LAMA1: variants seen among roughly 807,000 people sequenced by gnomAD.
The protein encoded by LAMA1 is laminin subunit alpha-1.
LAMA1 carries 219 observed loss-of-function variants against 348.7 expected under a neutral mutation model. The ratio of observed to expected loss-of-function variants is 0.63; its 90% CI spans 0.56 to 0.70. The LOEUF is 0.70. LAMA1 is among the 30% of genes least tolerant of loss of function. The pLI, the probability that LAMA1 is intolerant of heterozygous loss-of-function variation, is 0.00. For missense variants in LAMA1, 3,744 were observed against 3,888.0 expected, an observed-to-expected ratio of 0.96 and a Z score of 0.99; for synonymous variants, 1,487 against 1,491.0, an observed-to-expected ratio of 1.00 and a Z score of 0.06.
chr18:6,973,983 G>A (rs1003316163), intron 46 of LAMA1, among the ~76,000 whole-genome samples: 2 of 152,038 alleles, frequency 1.3e-5, no homozygotes, highest in African/African-American at 4.8e-5. Flanking sequence ...GTCTCACTAT[G>A]TTGCCCAGGC....
chr18:7,018,314 C>T (rs1483157923), intron 19 of LAMA1, among the ~76,000 whole-genome samples: 7 of 105,050 alleles, frequency 6.7e-5, no homozygotes, highest in African/African-American at 2.4e-4. Context: ...CTAGCCTGAG[C>T]GACAAGTGTG....
In LAMA1 at chr18:6,982,455, C is replaced by T. The variant is rs758157168; in HGVS notation, c.5890+42G>A. 58 of 1,526,454 alleles carry T rather than the reference C, an allele frequency of 3.8e-5. No individual in the cohort carries two copies. In the Admixed American group the frequency reaches 6.7e-4, roughly 18 times the overall value. The allele number at this position is 1,526,454 out of a possible 1,614,324, so 94.6% of individuals were successfully genotyped here. ...TAGAGGCTGCTCAGCGAGACGCTCA[C>T]GCTCACTCTGCCTGTCTACACCGTC... On this transcript the variant is annotated intron_variant, in intron 41 of 62. Transcript: ENST00000389658.
rs1187783256 is a variant in LAMA1, at chr18:7,008,528, T to C, written c.4082A>G (p.Asn1361Ser). ...PEEEVASLLE[N>S]CVCPPGTVGF... The stretch of plus-strand genomic sequence containing the variant: ...CACAGTGCCAGGAGGACAGACACAA[T>C]TCTCTAAAAGAGATGCAACCTCTTC... Residue 1361 changes from asparagine (N) to serine (S), a missense_variant, in exon 28 of 63, where the codon AAT becomes AGT. Asn to Ser is a conservative substitution (Grantham distance 46, BLOSUM62 1). This residue lies in a region of LAMA1 where 1,983 missense variants were observed against 1,934.3 expected (regional missense o/e 1.03). Coordinates refer to ENST00000389658, the MANE Select transcript of LAMA1 (RefSeq NM_005559.4). The C allele has an allele frequency of 3.0e-5, 49 of 1,613,966 alleles. No homozygotes were observed. Among genetic ancestry groups the C allele is most frequent in the Non-Finnish European group, 4.2e-5 (49 of 1,179,982 alleles).
chr18:7,093,774 CTT>C (rs34130725), intron 1 of LAMA1, among the ~76,000 whole-genome samples: 33,787 of 124,436 alleles, frequency 0.27, 4,223 homozygotes, highest in African/African-American at 0.33. Context: ...GGTTTCTCAA[CTT>C]TTTTTTTTTT....
At chr18:6,995,270 A>G in intron 34 of LAMA1, 87 bp downstream of exon 34, 2 of 868,110 alleles carry the variant, frequency 2.3e-6, no homozygotes, top group Non-Finnish European at 4.0e-6. Context: ...TCTAATCAGA[A>G]CCTTCCAGAC....
chr18:7,022,799 G>A (rs1002871771), intron 19 of LAMA1, among the ~76,000 whole-genome samples: 1 of 152,152 alleles, frequency 6.6e-6, no homozygotes. Flanking sequence ...AATCCCATCT[G>A]CCTCGTGCAG....
rs201633658 is a variant in LAMA1 at position 6,971,912 on chromosome 18, T to C, written c.6844A>G (p.Ile2282Val). ...CTTTCAATATAGTTCCATAGGCCTA[T>C]GGATTTTCCATTCAGGAAGGCCTCC... ...LGEAFLNGKS[I>V]GLWNYIEREG... Residue 2282 changes from isoleucine (I) to valine (V), a missense_variant, in exon 48 of 63, where the codon ATA becomes GTA. Physicochemically the swap from Ile to Val is conservative, Grantham distance 29. This residue lies in a region of LAMA1 where 1,983 missense variants were observed against 1,934.3 expected (regional missense o/e 1.03). Transcript: ENST00000389658. 8.7e-6 allele frequency: 14 copies of C among 1,614,108 alleles called. No individual in the cohort carries two copies. In the African/African-American group the frequency reaches 9.3e-5, roughly 11 times the overall value.
In LAMA1 at chr18:6,962,021, T is replaced by C; in HGVS notation, c.7376A>G (p.Lys2459Arg). Residue 2459 changes from lysine (K) to arginine (R), a missense_variant, in exon 52 of 63, where the codon AAG (lysine) becomes AGG (arginine). Transcript: ENST00000389658. Reference protein sequence around the residue: ...VTTKSFVGCIKNLEISRSTFD... With the variant: ...VTTKSFVGCIRNLEISRSTFD... ...GGTTGATCTGGATATTTCCAGGTTC[T>C]TGATGCAGCCCACAAAGCTTTTGGT... The C allele has an allele frequency of 6.2e-7, 1 of 1,614,258 alleles. No homozygotes were observed. The highest frequency in any genetic ancestry group is 8.5e-7 in the Non-Finnish European group (1 of 1,180,036).
At chr18:6,962,700 T>A (rs1449568062) in intron 51 of LAMA1, among the ~76,000 whole-genome samples, 1 of 152,048 alleles carries the variant, frequency 6.6e-6, no homozygotes, top group African/African-American at 2.4e-5. Context: ...CCATGTAGAG[T>A]AGAATGTTTG....
rs1211168897 is a variant in LAMA1, at chr18:7,040,213, A to G, written c.1285T>C (p.Cys429Arg). Residue 429 changes from cysteine to arginine, a missense_variant, in exon 10 of 63, where the codon TGT becomes CGT. Around this residue, in one of 3 missense-constraint regions of LAMA1, gnomAD observed 1,529 missense variants for 1,689.4 expected, o/e 0.91. Coordinates refer to ENST00000389658, the MANE Select transcript of LAMA1 (RefSeq NM_005559.4). ...TTTTCTCCTGTATAACCTTCCTTAC[A>G]TGGGCACTGACCTGGCTGCTTCCCT... ...HNGKQPGQCP[C>R]KEGYTGEKCD... The G allele has an allele frequency of 3.7e-6, 6 of 1,614,148 alleles. No homozygotes were observed. Among genetic ancestry groups the G allele is most frequent in the Non-Finnish European group, 5.1e-6 (6 of 1,180,026 alleles).
chr18:7,115,903 C>T (rs1224438024), intron 1 of LAMA1, among the ~76,000 whole-genome samples: 3 of 151,440 alleles, frequency 2.0e-5, no homozygotes, highest in African/African-American at 7.3e-5. Flanking sequence ...TGTTTGAACC[C>T]GGGAGGCGGA....
At chr18:7,078,744 C>T (rs1431921601) in intron 3 of LAMA1, among the ~76,000 whole-genome samples, 2 of 151,964 alleles carry the variant, frequency 1.3e-5, no homozygotes, top group African/African-American at 4.8e-5. Flanking sequence ...AATCCCAGCA[C>T]TTTGGGAGGC....
At chr18:7,041,071 G>T (rs2058018529) in intron 9 of LAMA1, among the ~76,000 whole-genome samples, 1 of 152,160 alleles carries the variant, frequency 6.6e-6, no homozygotes, top group African/African-American at 2.4e-5. Flanking sequence ...AGATTGTGGT[G>T]ATGGTTGCAC....
chr18:7,100,079 A>AAAAAAC, intron 1 of LAMA1, among the ~76,000 whole-genome samples: 1 of 150,460 alleles, frequency 6.6e-6, no homozygotes, highest in Non-Finnish European at 1.5e-5. Context: ...AAAAAAAAAA[A>AAAAAAC]AAAGACAAGC....
In LAMA1 at chr18:7,032,187, A is replaced by G; in HGVS notation, c.2164-11T>C. 1 of 1,569,394 alleles carries G rather than the reference A, an allele frequency of 6.4e-7. No individual in the cohort carries two copies. On this transcript the variant is annotated splice_polypyrimidine_tract_variant and intron_variant, in intron 15 of 62. Transcript: ENST00000389658. ...GCCAGAGAGGCACGACTGCAAGAGA[A>G]GGGAAAGTCATCCTCTTTCCACTAC...
At position 6,993,729 on chromosome 18, in the gene LAMA1, G is replaced by C. The variant is rs953996695; in HGVS notation, c.4920C>G (p.Thr1640=). ...QKKLTRMLAS[T]QKVNRATERI... The stretch of plus-strand genomic sequence containing the variant: ...TCTCAGTTGCCCTATTCACCTTTTG[G>C]GTACTCGCTAACATCCTAGTGAGCT... Residue 1640 remains threonine, a synonymous_variant, in exon 35 of 63, where the codon ACC becomes ACG. Coordinates refer to ENST00000389658, the MANE Select transcript of LAMA1 (RefSeq NM_005559.4). 3.1e-6 allele frequency: 5 copies of C among 1,613,232 alleles called. No homozygotes were observed. The highest frequency in any genetic ancestry group is 4.2e-6 in the Non-Finnish European group (5 of 1,179,262).
At chr18:6,991,670 G>A (rs1379730269) in intron 36 of LAMA1, among the ~76,000 whole-genome samples, 5 of 151,938 alleles carry the variant, frequency 3.3e-5, no homozygotes, top group Non-Finnish European at 5.9e-5. Flanking sequence ...GATTACATGC[G>A]TGAGCCACCA....
At chr18:7,064,647 C>T (rs1388857451) in intron 3 of LAMA1, among the ~76,000 whole-genome samples, 1 of 152,162 alleles carries the variant, frequency 6.6e-6, no homozygotes, top group Non-Finnish European at 1.5e-5. Flanking sequence ...TTGCCTGGCT[C>T]AGTCTATAAG....
intron 3 of LAMA1, among the ~76,000 whole-genome samples, chr18:7,051,254 C>T (rs1395939127): frequency 6.6e-6 from 1 of 152,098 alleles, no homozygotes; most frequent in Non-Finnish European, 1.5e-5. Flanking sequence ...AAAAGGGTAA[C>T]TATGTGAAGT....
Sources: gnomAD v4.1 joint callset for allele counts (sites outside exome capture counted in the v4.1 genomes callset) on GRCh38, gnomAD v4.1.1 for gene constraint, gnomAD v4.1.1 regional missense constraint, MANE v1.5 for transcripts, NCBI Gene and HGNC (gene_info 2026-07-23, HGNC 2026-07-21) for gene names.